Variants in EPC2 observed in about 807,000 individuals in gnomAD.
EPC2 encodes the protein enhancer of polycomb homolog 2.
EPC2 carries 14 observed loss-of-function variants against 92.1 expected under a neutral mutation model. That is an observed-to-expected ratio of 0.15 (90% CI 0.10 to 0.24). EPC2 has a LOEUF of 0.24. Ranked by LOEUF, EPC2 falls within the 10% of genes least tolerant of loss-of-function variation. The probability of loss-of-function intolerance (pLI) is 1.00; values close to 1 mark genes in which losing one functional copy is unlikely to be tolerated. For synonymous variants in EPC2, 340 were observed against 334.7 expected, an observed-to-expected ratio of 1.02 and a Z score of -0.17; for missense variants, 755 against 971.5, an observed-to-expected ratio of 0.78 and a Z score of 2.96.
At chr2:148,723,117 C>T (rs569836471) in intron 2 of EPC2, among the ~76,000 whole-genome samples, 1 of 152,172 alleles carries the variant, frequency 6.6e-6, no homozygotes, top group East Asian at 1.9e-4. Context: ...TATATCAAAC[C>T]CCCATGAGAT....
At chr2:148,682,540 A>G (rs1298837802) in intron 1 of EPC2, among the ~76,000 whole-genome samples, 1 of 152,160 alleles carries the variant, frequency 6.6e-6, no homozygotes, top group Non-Finnish European at 1.5e-5. Context: ...ACTCTCCAAT[A>G]CATAATCTTA....
chr2:148,703,864 C>T (rs571817285), intron 2 of EPC2, among the ~76,000 whole-genome samples: 1 of 152,138 alleles, frequency 6.6e-6, no homozygotes, highest in Non-Finnish European at 1.5e-5. Context: ...ATTATACCAC[C>T]TCATACCCTT....
At chr2:148,691,881 A>G (rs948808638) in intron 2 of EPC2, 3 of 567,030 alleles carry the variant, frequency 5.3e-6, no homozygotes, top group African/African-American at 1.9e-5. Flanking sequence ...ATGTATCTTT[A>G]TTCAGTAGCA....
At chr2:148,667,970 C>T (rs1681085560) in intron 1 of EPC2, among the ~76,000 whole-genome samples, 1 of 152,110 alleles carries the variant, frequency 6.6e-6, no homozygotes, top group South Asian at 2.1e-4. Flanking sequence ...ATGATCTCGG[C>T]TCACCACGAC....
At chr2:148,726,605 GT>G (rs1170085155) in intron 2 of EPC2, among the ~76,000 whole-genome samples, 1 of 151,216 alleles carries the variant, frequency 6.6e-6, no homozygotes, top group Non-Finnish European at 1.5e-5. Context: ...ATATCATTGT[GT>G]TTTTTTGTTT....
intron 1 of EPC2, among the ~76,000 whole-genome samples, chr2:148,668,826 T>C (rs1681102085): frequency 6.6e-6 from 1 of 152,166 alleles, no homozygotes; most frequent in African/African-American, 2.4e-5. Context: ...TGAATTTTCT[T>C]AAAGAATTAG....
At chr2:148,760,520 G>A (rs763403900) in intron 4 of EPC2, among the ~76,000 whole-genome samples, 4 of 152,066 alleles carry the variant, frequency 2.6e-5, no homozygotes, top group Non-Finnish European at 4.4e-5. Flanking sequence ...GCACAGTGTA[G>A]GCACTTTAAT....
chr2:148,702,798 G>A (rs892828470), intron 2 of EPC2, among the ~76,000 whole-genome samples: 31 of 151,730 alleles, frequency 2.0e-4, no homozygotes, highest in Non-Finnish European at 8.8e-5. Flanking sequence ...AACCCAATTC[G>A]TAAACTTTCT....
intron 2 of EPC2, among the ~76,000 whole-genome samples, chr2:148,697,634 A>C (rs12997162): frequency 6.6e-6 from 1 of 152,092 alleles, no homozygotes; most frequent in Non-Finnish European, 1.5e-5. Flanking sequence ...TTTGAGTTTT[A>C]TAAATCAAAG....
At chr2:148,715,128 G>A (rs1411361644) in intron 2 of EPC2, among the ~76,000 whole-genome samples, 1 of 149,336 alleles carries the variant, frequency 6.7e-6, no homozygotes, top group Non-Finnish European at 1.5e-5. Flanking sequence ...CCGCCTCCCA[G>A]GTTCACACCA....
intron 1 of EPC2, among the ~76,000 whole-genome samples, chr2:148,667,207 T>C (rs112424290): frequency 1.7e-3 from 255 of 152,334 alleles, no homozygotes; most frequent in African/African-American, 5.8e-3. Context: ...GTTCCGTAGA[T>C]GAATGAAGAC....
chr2:148,681,949 C>A (rs1681405639), intron 1 of EPC2, among the ~76,000 whole-genome samples: 1 of 152,094 alleles, frequency 6.6e-6, no homozygotes, highest in Non-Finnish European at 1.5e-5. Flanking sequence ...TCAGTTCCCA[C>A]CTATGAGTGA....
chr2:148,669,344 C>T (rs1008177870), intron 1 of EPC2, among the ~76,000 whole-genome samples: 22 of 152,174 alleles, frequency 1.4e-4, no homozygotes, highest in African/African-American at 5.3e-4. Context: ...TTTTGTATTC[C>T]TATAAATGTC....
At chr2:148,714,715 A>C (rs1207976675) in intron 2 of EPC2, among the ~76,000 whole-genome samples, 1 of 152,132 alleles carries the variant, frequency 6.6e-6, no homozygotes, top group African/African-American at 2.4e-5. Context: ...TCTTCTTTGG[A>C]GAAGTGTCTG....
Position 148,681,697 on chromosome 2 carries a change from GGTTT to G in EPC2, c.154-8500_154-8497del, listed in dbSNP as rs753811147. On this transcript the variant is annotated intron_variant, in intron 1 of 13. Transcript: ENST00000258484. ...AAACATGGGGTAAAATGACTGGTTA[GGTTT>G]GTTTGTTTGTTTGTTTCTTTCTTTC... is the stretch of plus-strand genomic sequence containing the variant. Among the ~76,000 whole-genome samples, 1,097 of 152,224 alleles carry G rather than the reference GGTTT, an allele frequency of 7.2e-3. 5 individuals are homozygous for G. The highest frequency in any genetic ancestry group is 0.025 in the African/African-American group (1,025 of 41,514).
At chr2:148,758,449 G>A (rs1683234531) in intron 4 of EPC2, among the ~76,000 whole-genome samples, 1 of 152,116 alleles carries the variant, frequency 6.6e-6, no homozygotes, top group African/African-American at 2.4e-5. Flanking sequence ...AGGCTGAAAT[G>A]TAGTGGTGCA....
At chr2:148,659,375 T>A (rs888938045) in intron 1 of EPC2, among the ~76,000 whole-genome samples, 12 of 151,476 alleles carry the variant, frequency 7.9e-5, no homozygotes, top group East Asian at 1.9e-4. Flanking sequence ...ATTGCTTTTT[T>A]AAAAAAAAAT....
At chr2:148,756,820 A>T (rs1209375385) in intron 4 of EPC2, among the ~76,000 whole-genome samples, 1 of 152,222 alleles carries the variant, frequency 6.6e-6, no homozygotes, top group Non-Finnish European at 1.5e-5. Flanking sequence ...GCTGCTCTAC[A>T]TAACAGTCAC....
chr2:148,691,200 T>C (rs534488092), intron 2 of EPC2, among the ~76,000 whole-genome samples: 41 of 152,346 alleles, frequency 2.7e-4, no homozygotes, highest in African/African-American at 9.4e-4. Flanking sequence ...CTCCTGTCCC[T>C]ATACTCTTCT....
Sources: allele counts gnomAD v4.1 joint callset (sites outside exome capture counted in the v4.1 genomes callset), GRCh38; gene constraint gnomAD v4.1.1; transcripts MANE v1.5; gene names NCBI Gene and HGNC (gene_info 2026-07-23, HGNC 2026-07-21).